The following MECOM variants were observed in gnomAD, a reference collection of about 807,000 sequenced individuals.
The protein encoded by MECOM is histone-lysine N-methyltransferase MECOM.
Under a neutral mutation model 116.3 loss-of-function variants are expected in MECOM, and 13 were observed. The observed-to-expected ratio is 0.11, with a 90% CI of 0.07 to 0.18. MECOM has a LOEUF of 0.18. MECOM is among the 10% of genes least tolerant of loss of function. The probability of loss-of-function intolerance (pLI) is 1.00; values close to 1 mark genes in which losing one functional copy is unlikely to be tolerated. For missense variants in MECOM, 1,299 were observed against 1,509.0 expected (o/e 0.86, Z 2.31); for synonymous variants, 528 against 535.2 (o/e 0.99, Z 0.19).
intron 1 of MECOM, among the ~76,000 whole-genome samples, chr3:169,405,659 A>C (rs1193283251): frequency 6.6e-6 from 1 of 152,202 alleles, no homozygotes; most frequent in Non-Finnish European, 1.5e-5. Flanking sequence ...GCAGCAAACA[A>C]TATGTCCATT....
At chr3:169,296,494 A>C (rs530199363) in intron 2 of MECOM, among the ~76,000 whole-genome samples, 1 of 152,222 alleles carries the variant, frequency 6.6e-6, no homozygotes. Flanking sequence ...TTACATCCAC[A>C]CAAGTTCTTT....
intron 6 of MECOM, among the ~76,000 whole-genome samples, 160 bp from the exon 7 acceptor site, chr3:169,121,369 C>T (rs561557750): frequency 2.3e-4 from 35 of 152,278 alleles, no homozygotes; most frequent in African/African-American, 7.9e-4. Flanking sequence ...ATGTACTCTC[C>T]TCTAGGGTAG....
At chr3:169,573,619 C>T (rs1764170222) in intron 1 of MECOM, among the ~76,000 whole-genome samples, 1 of 152,184 alleles carries the variant, frequency 6.6e-6, no homozygotes, top group Non-Finnish European at 1.5e-5. Flanking sequence ...TTTAATTCTA[C>T]ATTGCTTTTA....
chr3:169,286,944 A>T (rs974259831), intron 2 of MECOM, among the ~76,000 whole-genome samples: 1 of 152,136 alleles, frequency 6.6e-6, no homozygotes, highest in Non-Finnish European at 1.5e-5. Flanking sequence ...CTACTTAAAC[A>T]ATAAGAGAAA....
chr3:169,486,359 A>T (rs973226633), intron 1 of MECOM, among the ~76,000 whole-genome samples: 2 of 151,968 alleles, frequency 1.3e-5, no homozygotes, highest in Non-Finnish European at 2.9e-5. Flanking sequence ...ATGTTAAAAA[A>T]TTTTCAACTT....
At chr3:169,441,186 A>G (rs1171601001) in intron 1 of MECOM, among the ~76,000 whole-genome samples, 2 of 152,158 alleles carry the variant, frequency 1.3e-5, no homozygotes, top group African/African-American at 2.4e-5. Context: ...GACAGAGTCC[A>G]TGGCCCTCCA....
intron 10 of MECOM, among the ~76,000 whole-genome samples, chr3:169,107,670 G>T (rs980308953): frequency 1.3e-5 from 2 of 152,134 alleles, no homozygotes; most frequent in Admixed American, 1.3e-4. Context: ...AAAGAGCTCC[G>T]TATCAAGGTA....
At chr3:169,295,415 C>A (rs191496375) in intron 2 of MECOM, among the ~76,000 whole-genome samples, 1 of 152,194 alleles carries the variant, frequency 6.6e-6, no homozygotes, top group East Asian at 1.9e-4. Context: ...AAAGTGGTAT[C>A]AGAAATGTCT....
At chr3:169,405,847 C>T (rs941984566) in intron 1 of MECOM, among the ~76,000 whole-genome samples, 2 of 152,146 alleles carry the variant, frequency 1.3e-5, no homozygotes, top group East Asian at 3.8e-4. Flanking sequence ...ATTTCTACAT[C>T]AGAGTAGCAT....
intron 1 of MECOM, among the ~76,000 whole-genome samples, chr3:169,472,693 G>A (rs1749737183): frequency 7.6e-6 from 1 of 131,134 alleles, no homozygotes; most frequent in Admixed American, 8.1e-5. Context: ...GAAAGGAAAG[G>A]GAAGGGAAGG....
chr3:169,435,208 T>A (rs537385762), intron 1 of MECOM, among the ~76,000 whole-genome samples: 27 of 152,324 alleles, frequency 1.8e-4, no homozygotes, highest in African/African-American at 5.8e-4. Flanking sequence ...GTTATTTGTG[T>A]TTGGATTTCC....
At chr3:169,287,454 G>A (rs1713557927) in intron 2 of MECOM, among the ~76,000 whole-genome samples, 1 of 152,064 alleles carries the variant, frequency 6.6e-6, no homozygotes, top group Non-Finnish European at 1.5e-5. Context: ...TGAATTCAAA[G>A]TGACTTTCTG....
At chr3:169,414,158 G>C (rs1033370462) in intron 1 of MECOM, among the ~76,000 whole-genome samples, 1 of 152,150 alleles carries the variant, frequency 6.6e-6, no homozygotes, top group Non-Finnish European at 1.5e-5. Context: ...TATATGGTGG[G>C]TGCCCCCCTG....
intron 2 of MECOM, among the ~76,000 whole-genome samples, chr3:169,211,668 G>GTTTCATGTTAGGCTGT (rs2149475576): frequency 6.6e-6 from 1 of 152,204 alleles, no homozygotes; most frequent in South Asian, 2.1e-4. Context: ...GTTTCTGAGG[G>GTTTCATGTTAGGCTGT]TTTCATGTTA....
At chr3:169,135,116 C>T (rs1446414530) in intron 3 of MECOM, among the ~76,000 whole-genome samples, 3 of 152,036 alleles carry the variant, frequency 2.0e-5, no homozygotes, top group African/African-American at 7.2e-5. Context: ...CAGTGAATTA[C>T]ATACCATCTG....
intron 1 of MECOM, among the ~76,000 whole-genome samples, chr3:169,549,034 C>A (rs1414443702): frequency 6.8e-6 from 1 of 146,534 alleles, no homozygotes; most frequent in Non-Finnish European, 1.5e-5. Flanking sequence ...AGTGCAGTGG[C>A]ACGATCTCAG....
At chr3:169,571,272 T>C (rs1339623969) in intron 1 of MECOM, among the ~76,000 whole-genome samples, 1 of 152,170 alleles carries the variant, frequency 6.6e-6, no homozygotes, top group African/African-American at 2.4e-5. Context: ...TACCTAGGAA[T>C]ACAATTTACA....
chr3:169,121,666 C>G (rs961049462), intron 6 of MECOM, among the ~76,000 whole-genome samples: 1 of 152,158 alleles, frequency 6.6e-6, no homozygotes. Flanking sequence ...AACACTCTTT[C>G]AGTGAGTTAC....
chr3:169,392,283 G>C (rs1734339317), intron 1 of MECOM, among the ~76,000 whole-genome samples: 1 of 152,176 alleles, frequency 6.6e-6, no homozygotes, highest in African/African-American at 2.4e-5. Context: ...TCCATACTAT[G>C]AAAAGTGAAG....
Sources: gnomAD v4.1 joint callset for allele counts (sites outside exome capture counted in the v4.1 genomes callset) on GRCh38, gnomAD v4.1.1 for gene constraint, MANE v1.5 for transcripts, NCBI Gene and HGNC (gene_info 2026-07-23, HGNC 2026-07-21) for gene names.